Variants in KIAA0825 observed in about 807,000 individuals in gnomAD.
KIAA0825 encodes the protein uncharacterized protein KIAA0825.
KIAA0825 carries 119 observed loss-of-function variants against 147.6 expected under a neutral mutation model. The ratio of observed to expected loss-of-function variants is 0.81; its 90% CI spans 0.69 to 0.94. The LOEUF is 0.94. Among genes scored for constraint, KIAA0825 ranks in the 40% least tolerant of loss-of-function variants. The pLI is 0.00. For missense variants in KIAA0825, 1,381 were observed against 1,472.7 expected (o/e 0.94, Z 1.02); for synonymous variants, 470 against 518.1 (o/e 0.91, Z 1.26).
chr5:94,520,759 G>C lies in KIAA0825; in HGVS notation c.459C>G (p.Ser153=). Residue 153 remains serine (S), a synonymous_variant, in exon 5 of 21, where the codon TCC becomes TCG. Transcript: ENST00000682413. ...RTSLHSVEDN[S]SMDVKSMWDD... is the part of the protein sequence containing the mutation. ...CCCACATAGACTTGACATCCATAGAGGAATTATCTTCAACAGAATGAAGAG... is the reference window on the plus strand; with the variant it reads ...CCCACATAGACTTGACATCCATAGACGAATTATCTTCAACAGAATGAAGAG... 1 of 1,613,272 alleles carries C rather than the reference G, an allele frequency of 6.2e-7. No homozygotes were observed. The highest frequency in any genetic ancestry group is 8.5e-7 in the Non-Finnish European group (1 of 1,179,432).
intron 20 of KIAA0825, among the ~76,000 whole-genome samples, chr5:94,202,779 T>C (rs960964272): frequency 2.0e-5 from 3 of 152,148 alleles, no homozygotes; most frequent in Admixed American, 2.0e-4. Flanking sequence ...GTTGTGAACA[T>C]AGGAAAATTA....
At chr5:94,463,960 C>G (rs550020170) in intron 11 of KIAA0825, among the ~76,000 whole-genome samples, 1 of 151,228 alleles carries the variant, frequency 6.6e-6, no homozygotes, top group Non-Finnish European at 1.5e-5. Flanking sequence ...TTCAAAACAG[C>G]CTGTGCAAAA....
chr5:94,221,423 G>A (rs974017675), intron 20 of KIAA0825, among the ~76,000 whole-genome samples: 1 of 152,122 alleles, frequency 6.6e-6, no homozygotes, highest in Non-Finnish European at 1.5e-5. Context: ...ATCAGACATG[G>A]CCAATATATG....
intron 20 of KIAA0825, among the ~76,000 whole-genome samples, chr5:94,194,881 C>G (rs1206023895): frequency 2.6e-5 from 4 of 152,158 alleles, no homozygotes; most frequent in African/African-American, 9.7e-5. Context: ...ATGTGTTCAT[C>G]TTTTCTTAGA....
At chr5:94,206,262 C>G (rs1451962048) in intron 20 of KIAA0825, among the ~76,000 whole-genome samples, 1 of 152,034 alleles carries the variant, frequency 6.6e-6, no homozygotes, top group Admixed American at 6.5e-5. Context: ...TTTTCCAGAT[C>G]AATTTTCATC....
At chr5:94,236,490 T>A (rs1583935692) in intron 20 of KIAA0825, among the ~76,000 whole-genome samples, 1 of 152,154 alleles carries the variant, frequency 6.6e-6, no homozygotes, top group African/African-American at 2.4e-5. Flanking sequence ...TTGGTGAAGG[T>A]GCTTTAAACA....
Position 94,557,084 on chromosome 5 carries a change from G to C in KIAA0825, c.-1-19957C>G, listed in dbSNP as rs568443245. ...GTAGGAAACATCATTTTGGGTAGCT[G>C]GCCAGATCACATTTCTTTTTTAATT... On this transcript the variant is annotated intron_variant, in intron 2 of 20. Transcript: ENST00000682413. Among the ~76,000 whole-genome samples the C allele has an allele frequency of 1.1e-4, 17 of 152,114 alleles. No homozygotes were observed. The South Asian group carries it at 3.5e-3, about 32-fold the overall frequency.
At chr5:94,421,974 A>T (rs1287132881) in intron 14 of KIAA0825, among the ~76,000 whole-genome samples, 1 of 152,172 alleles carries the variant, frequency 6.6e-6, no homozygotes, top group Non-Finnish European at 1.5e-5. Flanking sequence ...TGAATTTCTT[A>T]CACTATTGGG....
At chr5:94,453,195 CAG>C in intron 12 of KIAA0825, 126 bp from the exon 13 acceptor site, 1 of 613,560 alleles carries the variant, frequency 1.6e-6, no homozygotes, top group Non-Finnish European at 2.8e-6. Context: ...TGTTTGGAGA[CAG>C]AGTCTTGCTC....
rs1301878992 is a variant in KIAA0825 at position 94,605,027 on chromosome 5, GA to G, written c.-153+13472del. Among the ~76,000 whole-genome samples the G allele has an allele frequency of 2.1e-5, 3 of 142,006 alleles. No individual in the cohort carries two copies. The East Asian group carries it at 5.8e-4, about 28-fold the overall frequency. The allele number at this position is 142,006 out of a possible 152,430, so 93.2% of individuals were successfully genotyped here. A position where few individuals can be genotyped will look rare whatever the true frequency, so the allele number is the denominator to read the frequency against. ...CTGGATTAATGAAGAAGAAAAGAGG[GA>G]AGATTACAAACACAATCAGAAATAA... On this transcript the variant is annotated intron_variant, in intron 1 of 20. Coordinates refer to ENST00000682413, the MANE Select transcript of KIAA0825 (RefSeq NM_001145678.3).
rs566409812 is a variant in KIAA0825 at position 94,153,844 on chromosome 5, A to G, written c.*163T>C. On this transcript the variant is annotated 3_prime_UTR_variant, in exon 21 of 21. Coordinates refer to ENST00000682413, the MANE Select transcript of KIAA0825 (RefSeq NM_001145678.3). ...TTTTTAAAATAAAAAAATATGTAGC[A>G]CCTTATCCTTTATGTGCTGTATTCC... 19 of 495,254 alleles carry G rather than the reference A, an allele frequency of 3.8e-5. No homozygotes were observed. The South Asian group carries it at 6.7e-4, about 17-fold the overall frequency. The allele number at this position is 495,254 out of a possible 1,614,324, so 30.7% of individuals were successfully genotyped here. A position where few individuals can be genotyped will look rare whatever the true frequency, so the allele number is the denominator to read the frequency against.
At chr5:94,423,400 A>G (rs1213568053) in intron 14 of KIAA0825, among the ~76,000 whole-genome samples, 2 of 152,164 alleles carry the variant, frequency 1.3e-5, no homozygotes, top group African/African-American at 2.4e-5. Flanking sequence ...CGTTGCATGC[A>G]TTATTTTAAA....
chr5:94,424,468 A>T (rs1426074522), intron 14 of KIAA0825, among the ~76,000 whole-genome samples: 1 of 152,140 alleles, frequency 6.6e-6, no homozygotes, highest in Non-Finnish European at 1.5e-5. Flanking sequence ...AAAAATTCCT[A>T]AAACAAATGA....
intron 14 of KIAA0825, among the ~76,000 whole-genome samples, chr5:94,421,249 A>T (rs115498345): frequency 0.013 from 1,976 of 152,310 alleles, 59 homozygotes; most frequent in African/African-American, 0.046. Context: ...TTGGACTAAA[A>T]CTGTATTTAC....
chr5:94,462,460 T>C lies in KIAA0825; in HGVS notation c.2173A>G (p.Lys725Glu). The change falls in exon 12 of 21, where the codon AAA becomes GAA. Residue 725 changes from lysine to glutamate, a missense_variant. Transcript: ENST00000682413. Reference protein sequence around the residue: ...PHQHTDDKIFKIHTHCNNLFT... With the variant: ...PHQHTDDKIFEIHTHCNNLFT... ...AGATTATTACAATGAGTGTGAATTT[T>C]AAAAATTTTATCATCTGTATGCTGA... is the stretch of plus-strand genomic sequence containing the variant. 1.1e-5 allele frequency: 17 copies of C among 1,531,400 alleles called. No individual in the cohort carries two copies. The highest frequency in any genetic ancestry group is 1.5e-5 in the Non-Finnish European group (17 of 1,130,166). The allele number at this position is 1,531,400 out of a possible 1,614,324, so 94.9% of individuals were successfully genotyped here.
intron 16 of KIAA0825, among the ~76,000 whole-genome samples, chr5:94,399,102 C>T (rs1338088825): frequency 6.6e-6 from 1 of 152,124 alleles, no homozygotes; most frequent in Non-Finnish European, 1.5e-5. Flanking sequence ...TATGAAAGCA[C>T]CTAGCTCAGC....
chr5:94,524,383 G>A (rs377286729), intron 3 of KIAA0825, among the ~76,000 whole-genome samples: 26 of 151,666 alleles, frequency 1.7e-4, no homozygotes, highest in Admixed American at 5.3e-4. Context: ...GATGCAATTC[G>A]ATAATAGCCC....
At chr5:94,577,453 C>T (rs902528960) in intron 2 of KIAA0825, among the ~76,000 whole-genome samples, 2 of 152,044 alleles carry the variant, frequency 1.3e-5, no homozygotes, top group Non-Finnish European at 1.5e-5. Context: ...AAGTGTAGTC[C>T]AAAACTAATT....
chr5:94,524,291 T>TA (rs1238188730), intron 3 of KIAA0825, among the ~76,000 whole-genome samples, 193 bp from the exon 4 acceptor site: 1 of 151,432 alleles, frequency 6.6e-6, no homozygotes, highest in Non-Finnish European at 1.5e-5. Flanking sequence ...TTTCTGGCAG[T>TA]AAAAAATGTG....
Sources: gnomAD v4.1 joint callset for allele counts (sites outside exome capture counted in the v4.1 genomes callset) on GRCh38, gnomAD v4.1.1 for gene constraint, MANE v1.5 for transcripts, NCBI Gene and HGNC (gene_info 2026-07-23, HGNC 2026-07-21) for gene names.